The following FER1L6 variants were observed in gnomAD, a reference collection of about 807,000 sequenced individuals.
FER1L6 encodes fer-1 like family member 6, also known as fer-1-like protein 6.
A neutral mutation model predicts 219.2 loss-of-function variants in FER1L6; 177 were observed. The ratio of observed to expected loss-of-function variants is 0.81; its 90% confidence interval spans 0.71 to 0.91. The LOEUF is 0.91. FER1L6 is among the 40% of genes least tolerant of loss of function. The pLI is 0.00. For missense variants in FER1L6, 2,153 were observed against 2,259.9 expected, an observed-to-expected ratio of 0.95 and a Z score of 0.96; for synonymous variants, 768 against 824.3, an observed-to-expected ratio of 0.93 and a Z score of 1.17.
intron 2 of FER1L6, among the ~76,000 whole-genome samples, chr8:123,956,991 G>A (rs949635086): frequency 6.6e-6 from 1 of 152,252 alleles, no homozygotes; most frequent in African/African-American, 2.4e-5. Flanking sequence ...CAAGTGGACA[G>A]ATGGGGTGGT....
At chr8:123,886,289 T>C (rs1473709079) in intron 1 of FER1L6, among the ~76,000 whole-genome samples, 1 of 152,136 alleles carries the variant, frequency 6.6e-6, no homozygotes, top group Admixed American at 6.5e-5. Flanking sequence ...TGTGGCCTAG[T>C]GGAAGGTGTT....
chr8:123,882,291 C>T lies in FER1L6; in HGVS notation c.-8+30106C>T, dbSNP rs569154080. On this transcript the variant is annotated intron_variant, in intron 1 of 40. Coordinates refer to ENST00000522917, the MANE Select transcript of FER1L6 (RefSeq NM_001039112.2). ...AGAGCAAAGTAGCGAGCCAAAAGAGCAAACCTACATGAAGCACCTCAGCTG... is the reference window on the plus strand; with the variant it reads ...AGAGCAAAGTAGCGAGCCAAAAGAGTAAACCTACATGAAGCACCTCAGCTG... Among the ~76,000 whole-genome samples, 14 of 152,212 alleles carry T rather than the reference C, an allele frequency of 9.2e-5. No homozygotes were observed. The South Asian group carries it at 2.9e-3, about 32-fold the overall frequency.
At chr8:123,893,189 G>T (rs975176235) in intron 1 of FER1L6, among the ~76,000 whole-genome samples, 1 of 152,082 alleles carries the variant, frequency 6.6e-6, no homozygotes. Context: ...AATCAGCTAC[G>T]GTCCAGAGCT....
chr8:123,953,955 A>T (rs1243039671), intron 1 of FER1L6, among the ~76,000 whole-genome samples: 1 of 152,184 alleles, frequency 6.6e-6, no homozygotes, highest in African/African-American at 2.4e-5. Context: ...TTCCTGGGAG[A>T]TTTAGGATGA....
chr8:124,071,366 C>A, intron 30 of FER1L6, 140 bp from the exon 31 acceptor site: 1 of 1,021,370 alleles, frequency 9.8e-7, no homozygotes, highest in Non-Finnish European at 1.5e-6. Context: ...TGCCCAAGGA[C>A]ACCCAACTGG....
At chr8:124,075,155 T>A (rs572948151) in intron 31 of FER1L6, among the ~76,000 whole-genome samples, 1 of 152,330 alleles carries the variant, frequency 6.6e-6, no homozygotes, top group South Asian at 2.1e-4. Context: ...TTACTATAAC[T>A]TTTTTACTTT....
Position 124,082,390 on chromosome 8 carries a change from G to A in FER1L6, c.4323G>A (p.Lys1441=), listed in dbSNP as rs1277048499. The part of the protein sequence containing the change: ...IGTDDLIGET[K]IDLENRFYSK... Reference sequence around the variant, plus strand: ...CAGATGACCTTATTGGTGAGACCAAGATCGACCTGGAGAACCGCTTCTACA... The same window carrying A: ...CAGATGACCTTATTGGTGAGACCAAAATCGACCTGGAGAACCGCTTCTACA... Residue 1441 remains lysine (K), a synonymous_variant, in exon 33 of 41, where the codon AAG becomes AAA. Transcript: ENST00000522917. The A allele has an allele frequency of 6.2e-7, 1 of 1,614,000 alleles. No individual in the cohort carries two copies. Among genetic ancestry groups the A allele is most frequent in the Admixed American group, 1.7e-5 (1 of 60,002 alleles).
intron 1 of FER1L6, among the ~76,000 whole-genome samples, chr8:123,898,739 TACATATATACTATATATAC>T (rs1812797457): frequency 1.4e-5 from 2 of 141,888 alleles, no homozygotes; most frequent in Non-Finnish European, 3.1e-5. Flanking sequence ...ATAGTATATA[TACATATATACTATATATAC>T]ACATATATAT....
chr8:123,877,914 G>A (rs193227061), intron 1 of FER1L6, among the ~76,000 whole-genome samples: 17 of 152,022 alleles, frequency 1.1e-4, no homozygotes, highest in Admixed American at 2.0e-4. Flanking sequence ...TCGATTTATC[G>A]TTCTAAATAC....
intron 12 of FER1L6, among the ~76,000 whole-genome samples, chr8:123,997,548 C>G (rs1046089726): frequency 1.3e-5 from 2 of 152,066 alleles, no homozygotes; most frequent in Non-Finnish European, 2.9e-5. Context: ...TGAAATCTTT[C>G]TCTAGGGTTG....
intron 22 of FER1L6, among the ~76,000 whole-genome samples, chr8:124,054,487 A>AT (rs1820192822): frequency 6.6e-6 from 1 of 152,130 alleles, no homozygotes. Flanking sequence ...ACCACAAAAC[A>AT]TTTTTTCACG....
chr8:124,018,932 C>A (rs192566105), intron 16 of FER1L6, among the ~76,000 whole-genome samples: 1 of 152,190 alleles, frequency 6.6e-6, no homozygotes, highest in Non-Finnish European at 1.5e-5. Flanking sequence ...GACTCTGGAA[C>A]GAACTCCACT....
intron 1 of FER1L6, among the ~76,000 whole-genome samples, chr8:123,946,603 T>G (rs549094998): frequency 6.6e-6 from 1 of 152,324 alleles, no homozygotes; most frequent in South Asian, 2.1e-4. Flanking sequence ...AACTTAAGTT[T>G]ATTCACATAT....
At chr8:124,068,378 G>A (rs1029327090) in intron 28 of FER1L6, among the ~76,000 whole-genome samples, 1 of 152,192 alleles carries the variant, frequency 6.6e-6, no homozygotes, top group Admixed American at 6.5e-5. Flanking sequence ...CCAACCCCAT[G>A]TCATAGGAAA....
intron 1 of FER1L6, among the ~76,000 whole-genome samples, chr8:123,912,689 A>T (rs1261286191): frequency 6.6e-6 from 1 of 152,194 alleles, no homozygotes; most frequent in Non-Finnish European, 1.5e-5. Context: ...TTCTGTAGTT[A>T]GTAGGTATTT....
chr8:124,008,763 A>G (rs1029630728), intron 13 of FER1L6, among the ~76,000 whole-genome samples: 10 of 152,122 alleles, frequency 6.6e-5, no homozygotes, highest in African/African-American at 2.4e-4. Flanking sequence ...AGAATCTACA[A>G]GGAACTCAAA....
intron 2 of FER1L6, among the ~76,000 whole-genome samples, chr8:123,960,194 G>A (rs1815208903): frequency 6.6e-6 from 1 of 152,170 alleles, no homozygotes; most frequent in Admixed American, 6.5e-5. Flanking sequence ...GAAAGTGGAA[G>A]GACTGGAATT....
intron 29 of FER1L6, among the ~76,000 whole-genome samples, chr8:124,069,965 T>A (rs1314537752): frequency 1.3e-5 from 2 of 152,208 alleles, no homozygotes; most frequent in African/African-American, 4.8e-5. Flanking sequence ...GAAAGTTGAA[T>A]AAGTAAATTA....
At chr8:123,976,348 C>T (rs1015579246) in intron 9 of FER1L6, among the ~76,000 whole-genome samples, 4 of 151,862 alleles carry the variant, frequency 2.6e-5, no homozygotes, top group Non-Finnish European at 4.4e-5. Context: ...TAAAAACACA[C>T]AAAAAATTAG....
Sources: allele counts gnomAD v4.1 joint callset (sites outside exome capture counted in the v4.1 genomes callset), GRCh38; gene constraint gnomAD v4.1.1; transcripts MANE v1.5; gene names NCBI Gene and HGNC (gene_info 2026-07-23, HGNC 2026-07-21).